Variants in ANO10 observed in about 807,000 individuals in gnomAD.
The protein encoded by ANO10 is anoctamin 10.
ANO10 carries 77 observed loss-of-function variants against 74.7 expected under a neutral mutation model. The observed-to-expected ratio is 1.03, with a 90% CI of 0.86 to 1.25. The LOEUF (loss-of-function observed/expected upper bound fraction) is 1.25, where lower values mean the gene tolerates loss of function less well. Ranked by LOEUF, ANO10 falls within the 50% of genes most tolerant of loss-of-function variation. The pLI, the probability that ANO10 is intolerant of heterozygous loss-of-function variation, is 0.00. For missense variants in ANO10, 721 were observed against 778.1 expected (o/e 0.93, Z 0.87); for synonymous variants, 279 against 284.9 (o/e 0.98, Z 0.21).
chr3:43,493,108 T>C (rs2076787770), intron 11 of ANO10, among the ~76,000 whole-genome samples: 1 of 152,136 alleles, frequency 6.6e-6, no homozygotes, highest in Admixed American at 6.5e-5. Flanking sequence ...TATGCAGCCA[T>C]AAAAAAGGAT....
chr3:43,552,697 G>GATATATATATATATAT (rs57438732), intron 10 of ANO10, among the ~76,000 whole-genome samples: 1 of 124,484 alleles, frequency 8.0e-6, no homozygotes, highest in African/African-American at 3.0e-5. Flanking sequence ...ATTATCTCTG[G>GATATATATATATATAT]ATATATATAT....
intron 4 of ANO10, among the ~76,000 whole-genome samples, chr3:43,591,061 A>G (rs2081721294): frequency 6.6e-6 from 1 of 152,222 alleles, no homozygotes; most frequent in African/African-American, 2.4e-5. Context: ...GCATTTGAGC[A>G]GGGAGCGGCA....
chr3:43,407,185 T>C (rs1428756231), intron 12 of ANO10, among the ~76,000 whole-genome samples: 4 of 152,202 alleles, frequency 2.6e-5, no homozygotes, highest in Admixed American at 2.6e-4. Context: ...ATTACATGCG[T>C]GAGCCACCAT....
chr3:43,648,485 G>C (rs1214862787), intron 1 of ANO10, among the ~76,000 whole-genome samples: 2 of 152,064 alleles, frequency 1.3e-5, no homozygotes, highest in Non-Finnish European at 2.9e-5. Flanking sequence ...CATTTTTATG[G>C]TTATTCATTG....
At chr3:43,522,494 T>C (rs1415592073) in intron 11 of ANO10, among the ~76,000 whole-genome samples, 1 of 152,174 alleles carries the variant, frequency 6.6e-6, no homozygotes, top group Non-Finnish European at 1.5e-5. Context: ...TTCATTTACC[T>C]ACAAACCAAG....
chr3:43,468,307 G>A, intron 11 of ANO10, among the ~76,000 whole-genome samples: 1 of 152,182 alleles, frequency 6.6e-6, no homozygotes, highest in East Asian at 1.9e-4. Context: ...GTGCAGCACA[G>A]TATTGACACA....
chr3:43,470,503 C>T (rs889947858), intron 11 of ANO10, among the ~76,000 whole-genome samples: 2 of 152,040 alleles, frequency 1.3e-5, no homozygotes, highest in Non-Finnish European at 2.9e-5. Flanking sequence ...ACAGGCGCGC[C>T]TGGCTAATTT....
chr3:43,531,081 T>G (rs1027112338), intron 11 of ANO10, among the ~76,000 whole-genome samples: 2 of 152,170 alleles, frequency 1.3e-5, no homozygotes, highest in Non-Finnish European at 2.9e-5. Context: ...GTAATATGAC[T>G]AATAAACTCT....
At chr3:43,403,287 A>T (rs2092516309) in intron 12 of ANO10, among the ~76,000 whole-genome samples, 1 of 152,278 alleles carries the variant, frequency 6.6e-6, no homozygotes, top group African/African-American at 2.4e-5. Flanking sequence ...AAAACTTGAC[A>T]TCTGTCAGAG....
upstream of ANO10, among the ~76,000 whole-genome samples, chr3:43,622,611 T>C (rs1370623822): frequency 6.6e-6 from 1 of 152,140 alleles, no homozygotes; most frequent in Non-Finnish European, 1.5e-5. Context: ...AAACCCTTGC[T>C]CCTCCTAGAA....
chr3:43,590,531 T>C (rs1013728330), intron 4 of ANO10, among the ~76,000 whole-genome samples: 2 of 152,070 alleles, frequency 1.3e-5, no homozygotes, highest in Non-Finnish European at 2.9e-5. Context: ...CTAAGAAGAA[T>C]TCTTGCCAAA....
At chr3:43,670,867 G>A (rs1005166267) in intron 1 of ANO10, among the ~76,000 whole-genome samples, 7 of 152,128 alleles carry the variant, frequency 4.6e-5, no homozygotes, top group African/African-American at 1.7e-4. Flanking sequence ...TGCTAGAAAC[G>A]CAACTCCTGG....
intron 7 of ANO10, among the ~76,000 whole-genome samples, chr3:43,567,555 A>G (rs1294148027): frequency 6.6e-6 from 1 of 152,186 alleles, no homozygotes. Context: ...AAGAATTTTC[A>G]ACCCAGAATT....
At chr3:43,486,854 G>A (rs2076511207) in intron 11 of ANO10, among the ~76,000 whole-genome samples, 1 of 148,302 alleles carries the variant, frequency 6.7e-6, no homozygotes, top group African/African-American at 2.5e-5. Context: ...AATAGGAGTG[G>A]TGAGAGAGGG....
intron 10 of ANO10, among the ~76,000 whole-genome samples, chr3:43,550,659 A>G (rs920404137): frequency 1.3e-5 from 2 of 152,158 alleles, no homozygotes; most frequent in African/African-American, 4.8e-5. Flanking sequence ...CCATCTTACA[A>G]TTTAGAAATC....
intron 11 of ANO10, among the ~76,000 whole-genome samples, chr3:43,546,706 T>C (rs2079208340): frequency 6.6e-6 from 1 of 150,748 alleles, no homozygotes; most frequent in South Asian, 2.1e-4. Context: ...TAGAAGATGT[T>C]GAAACAGTGA....
intron 1 of ANO10, among the ~76,000 whole-genome samples, chr3:43,679,072 G>A (rs1035010867): frequency 1.3e-5 from 2 of 152,152 alleles, no homozygotes; most frequent in African/African-American, 4.8e-5. Context: ...TTATCGCACT[G>A]GGGAGTGTCG....
rs1165864707 is a variant in ANO10, at chr3:43,366,251, T to C, written c.*655A>G. The C allele has an allele frequency of 6.4e-6, 1 of 156,708 alleles. No individual in the cohort carries two copies. Among genetic ancestry groups the C allele is most frequent in the African/African-American group, 2.4e-5 (1 of 41,482 alleles). 9.7% of individuals were successfully genotyped at this position (156,708 alleles called of 1,614,324 possible). A position where few individuals can be genotyped will look rare whatever the true frequency, so the allele number is the denominator to read the frequency against. On this transcript the variant is annotated 3_prime_UTR_variant, in exon 13 of 13. Coordinates refer to ENST00000292246, the MANE Select transcript of ANO10 (RefSeq NM_018075.5). Reference sequence around the variant, plus strand: ...TCCAGCCAAGCCCCTCACCCTGGGCTCCTGATCTCACCGCTCCACCTTCAG... The same window carrying C: ...TCCAGCCAAGCCCCTCACCCTGGGCCCCTGATCTCACCGCTCCACCTTCAG...
At chr3:43,674,063 G>A (rs1220882380) in intron 1 of ANO10, among the ~76,000 whole-genome samples, 2 of 152,170 alleles carry the variant, frequency 1.3e-5, no homozygotes, top group Non-Finnish European at 2.9e-5. Flanking sequence ...TTGATCACAT[G>A]TTAATGGGAA....
Sources: allele counts gnomAD v4.1 joint callset (sites outside exome capture counted in the v4.1 genomes callset), GRCh38; gene constraint gnomAD v4.1.1; transcripts MANE v1.5; gene names NCBI Gene and HGNC (gene_info 2026-07-23, HGNC 2026-07-21).